EFCAB5: variants seen among roughly 807,000 people sequenced by gnomAD.
EFCAB5 encodes EF-hand calcium-binding domain-containing protein 5.
Under a neutral mutation model 167.9 loss-of-function variants are expected in EFCAB5, and 131 were observed. That is an observed-to-expected ratio of 0.78 (90% CI 0.68 to 0.90). The LOEUF is 0.90. Ranked by LOEUF, EFCAB5 falls within the 40% of genes least tolerant of loss-of-function variation. The pLI, the probability that EFCAB5 is intolerant of heterozygous loss-of-function variation, is 0.00. For synonymous variants in EFCAB5, 574 were observed against 602.8 expected (o/e 0.95, Z 0.70); for missense variants, 1,663 against 1,745.2 (o/e 0.95, Z 0.84).
At chr17:30,092,664 C>T (rs958822175) in intron 21 of EFCAB5, among the ~76,000 whole-genome samples, 176 bp from the exon 22 acceptor site, 12 of 152,206 alleles carry the variant, frequency 7.9e-5, no homozygotes, top group Admixed American at 7.2e-4. Flanking sequence ...GCTGGGATTA[C>T]AGGCGTGAGC....
At chr17:30,096,677 A>ATTTTT (rs71278522) in intron 22 of EFCAB5, among the ~76,000 whole-genome samples, 12 of 60,122 alleles carry the variant, frequency 2.0e-4, no homozygotes, top group South Asian at 6.7e-4. Context: ...ATATATATAT[A>ATTTTT]TTTTTTTTTT....
chr17:30,064,890 A>C lies in EFCAB5; in HGVS notation c.2737+5189A>C, dbSNP rs550132291. Among the ~76,000 whole-genome samples the C allele has an allele frequency of 1.2e-4, 18 of 152,372 alleles. No homozygotes were observed. The South Asian group carries it at 3.5e-3, about 30-fold the overall frequency. On this transcript the variant is annotated intron_variant, in intron 14 of 22. Coordinates refer to ENST00000394835, the MANE Select transcript of EFCAB5 (RefSeq NM_198529.4). ...TTTTGTTGCAGAAATCTTAAAGGCC[A>C]GAACAGAATGGGGTGATATATTCAA...
intron 14 of EFCAB5, among the ~76,000 whole-genome samples, chr17:30,070,977 A>T (rs2070721387): frequency 7.6e-6 from 1 of 130,910 alleles, no homozygotes; most frequent in African/African-American, 3.0e-5. Context: ...AAAAAAAAAA[A>T]ATTCAATTTA....
At position 30,034,227 on chromosome 17, in the gene EFCAB5, T is replaced by C. The variant is rs1235413674; in HGVS notation, c.1045-3T>C. On this transcript the variant is annotated splice_region_variant and splice_polypyrimidine_tract_variant and intron_variant, in intron 7 of 22. Coordinates refer to ENST00000394835, the MANE Select transcript of EFCAB5 (RefSeq NM_198529.4). ...CGTTTATCCTCTTTTTTTTCCCCTG[T>C]AGTACATCTCTTCACATATTAAAGA... 3 of 1,613,588 alleles carry C rather than the reference T, an allele frequency of 1.9e-6. No individual in the cohort carries two copies. Among genetic ancestry groups the C allele is most frequent in the Admixed American group, 1.7e-5 (1 of 59,974 alleles).
chr17:30,011,235 G>A (rs545166813), intron 7 of EFCAB5, among the ~76,000 whole-genome samples: 27 of 152,294 alleles, frequency 1.8e-4, no homozygotes, highest in African/African-American at 5.5e-4. Flanking sequence ...AAGTCAGGTA[G>A]CATGATGCCT....
intron 14 of EFCAB5, among the ~76,000 whole-genome samples, chr17:30,064,159 C>G (rs950232743): frequency 6.6e-6 from 1 of 152,076 alleles, no homozygotes; most frequent in African/African-American, 2.4e-5. Flanking sequence ...TCTCTAGTAA[C>G]AGACACTGAA....
chr17:30,071,769 A>G (rs2070742740), intron 14 of EFCAB5, among the ~76,000 whole-genome samples: 2 of 152,220 alleles, frequency 1.3e-5, no homozygotes, highest in Non-Finnish European at 2.9e-5. Flanking sequence ...AGATGAATGG[A>G]TAAAGAAAAT....
intron 7 of EFCAB5, among the ~76,000 whole-genome samples, chr17:30,004,239 A>G (rs534043660): frequency 6.6e-5 from 10 of 152,370 alleles, no homozygotes; most frequent in African/African-American, 2.4e-4. Context: ...CTTCTCCTGC[A>G]TCTATCACTA....
chr17:29,993,268 G>A lies in EFCAB5; in HGVS notation c.871G>A (p.Glu291Lys), dbSNP rs778951379. Residue 291 changes from glutamate to lysine, a missense_variant, in exon 5 of 23, where the codon GAG becomes AAG. Coordinates refer to ENST00000394835, the MANE Select transcript of EFCAB5 (RefSeq NM_198529.4). ...CAACACACGGAAACAGGCTCTGCAGGAGCAATTCGATGAATGGATTCTAGA... is the reference window on the plus strand; with the variant it reads ...CAACACACGGAAACAGGCTCTGCAGAAGCAATTCGATGAATGGATTCTAGA... ...VANTRKQALQEQFDEWILDPK... is the reference protein window; with the variant it reads ...VANTRKQALQKQFDEWILDPK... 1.8e-5 allele frequency: 29 copies of A among 1,613,826 alleles called. No individual in the cohort carries two copies. The highest frequency in any genetic ancestry group is 2.3e-5 in the Non-Finnish European group (27 of 1,179,818).
At chr17:30,094,849 A>G (rs1414299995) in intron 22 of EFCAB5, among the ~76,000 whole-genome samples, 4 of 152,180 alleles carry the variant, frequency 2.6e-5, no homozygotes, top group African/African-American at 9.7e-5. Flanking sequence ...TGCTGCTGAC[A>G]TACTTCCCTG....
chr17:30,086,424 GGA>G (rs1409411186), intron 18 of EFCAB5, among the ~76,000 whole-genome samples: 1 of 152,118 alleles, frequency 6.6e-6, no homozygotes, highest in Non-Finnish European at 1.5e-5. Context: ...AGGAGAACCA[GGA>G]GAGAGTGTCG....
chr17:30,050,357 A>G (rs1287682416), intron 8 of EFCAB5, among the ~76,000 whole-genome samples: 1 of 151,934 alleles, frequency 6.6e-6, no homozygotes, highest in East Asian at 1.9e-4. Context: ...CTGGTCTCGA[A>G]CTCCCGACCT....
chr17:29,968,194 G>A (rs947127165), intron 3 of EFCAB5, among the ~76,000 whole-genome samples: 4 of 152,038 alleles, frequency 2.6e-5, no homozygotes, highest in African/African-American at 9.7e-5. Context: ...CTTTTTGCCT[G>A]CCAACTGAAC....
intron 14 of EFCAB5, chr17:30,068,524 T>A: frequency 1.6e-6 from 1 of 620,434 alleles, no homozygotes; most frequent in Non-Finnish European, 2.7e-6. Context: ...AGACATCTCA[T>A]GTTCATGGAT....
chr17:29,996,484 C>T lies in EFCAB5; in HGVS notation c.973+124C>T, dbSNP rs1197837519. 9.9e-6 allele frequency: 7 copies of T among 708,502 alleles called. No individual in the cohort carries two copies. The Admixed American group carries it at 1.4e-4, about 14-fold the overall frequency. The allele number at this position is 708,502 out of a possible 1,614,324, so 43.9% of individuals were successfully genotyped here. A position where few individuals can be genotyped will look rare whatever the true frequency, so the allele number is the denominator to read the frequency against. ...CAAAACTCTTGCAGGGGCAATTAGG[C>T]TCTTCCATGCTGTCCAGATACAGAA... is the stretch of plus-strand genomic sequence containing the variant. On this transcript the variant is annotated intron_variant, in intron 6 of 22. Transcript: ENST00000394835.
At chr17:30,071,564 T>C (rs2070737801) in intron 14 of EFCAB5, among the ~76,000 whole-genome samples, 1 of 152,044 alleles carries the variant, frequency 6.6e-6, no homozygotes, top group Non-Finnish European at 1.5e-5. Flanking sequence ...TGTAAATTAG[T>C]AGAGCCACTA....
At chr17:30,055,131 C>G (rs1347789783) in intron 10 of EFCAB5, among the ~76,000 whole-genome samples, 1 of 145,608 alleles carries the variant, frequency 6.9e-6, no homozygotes, top group Non-Finnish European at 1.5e-5. Context: ...AACGCCATCT[C>G]AAAAAAAAAA....
At position 30,059,642 on chromosome 17, in the gene EFCAB5, A is replaced by G. The variant is rs2070371499; in HGVS notation, c.2678A>G (p.Glu893Gly). The G allele has an allele frequency of 1.2e-6, 2 of 1,612,864 alleles. No homozygotes were observed. The highest frequency in any genetic ancestry group is 2.2e-5 in the South Asian group (2 of 90,950). Reference protein sequence around the residue: ...SDGSGFLDLKEVDELLYTYKE... With the variant: ...SDGSGFLDLKGVDELLYTYKE... ...GGCTCAGGCTTCCTGGATCTGAAGGAAGTTGATGAACTCTTGTACACATAC... is the reference window on the plus strand; with the variant it reads ...GGCTCAGGCTTCCTGGATCTGAAGGGAGTTGATGAACTCTTGTACACATAC... The change falls in exon 14 of 23, where the codon GAA becomes GGA. Residue 893 changes from glutamate to glycine, a missense_variant. By Grantham distance (98) the Glu-to-Gly change is moderately conservative. Coordinates refer to ENST00000394835, the MANE Select transcript of EFCAB5 (RefSeq NM_198529.4).
chr17:29,970,637 G>GACACACACACACACACACACACACACAC (rs34545008), intron 4 of EFCAB5, among the ~76,000 whole-genome samples: 5 of 138,746 alleles, frequency 3.6e-5, no homozygotes, highest in African/African-American at 1.4e-4. Flanking sequence ...CTCAAAAACA[G>GACACACACACACACACACACACACACAC]ACACACACAC....
Sources: allele counts gnomAD v4.1 joint callset (sites outside exome capture counted in the v4.1 genomes callset), GRCh38; gene constraint gnomAD v4.1.1; transcripts MANE v1.5; gene names NCBI Gene and HGNC (gene_info 2026-07-23, HGNC 2026-07-21).